SMG6: variants seen among roughly 807,000 people sequenced by gnomAD.
The protein encoded by SMG6 is telomerase-binding protein EST1A.
In SMG6, 66 loss-of-function variants were observed where a neutral mutation model predicts 142.2. The observed-to-expected ratio is 0.46, with a 90% confidence interval of 0.38 to 0.57. The LOEUF is 0.57. Ranked by LOEUF, SMG6 falls within the 20% of genes least tolerant of loss-of-function variation. SMG6 has a pLI of 0.00. For missense variants in SMG6, 1,793 were observed against 1,832.0 expected (o/e 0.98, Z 0.39); for synonymous variants, 779 against 702.4 (o/e 1.11, Z -1.72).
At chr17:2,273,410 C>T (rs1355937881) in intron 8 of SMG6, among the ~76,000 whole-genome samples, 1 of 152,136 alleles carries the variant, frequency 6.6e-6, no homozygotes, top group African/African-American at 2.4e-5. Context: ...CCTGTAATCC[C>T]AGCACTTTGG....
chr17:2,204,702 G>A (rs994185396), intron 10 of SMG6, among the ~76,000 whole-genome samples: 1 of 152,168 alleles, frequency 6.6e-6, no homozygotes, highest in Non-Finnish European at 1.5e-5. Context: ...GGTGGCTCAC[G>A]CCTATAATTC....
intron 8 of SMG6, among the ~76,000 whole-genome samples, chr17:2,279,923 G>A (rs1475912303): frequency 6.6e-6 from 1 of 152,130 alleles, no homozygotes; most frequent in Non-Finnish European, 1.5e-5. Flanking sequence ...ACCATGACTG[G>A]ATTAGGTGTT....
At chr17:2,133,395 A>G (rs1475367703) in intron 13 of SMG6, among the ~76,000 whole-genome samples, 1 of 152,238 alleles carries the variant, frequency 6.6e-6, no homozygotes, top group Admixed American at 6.5e-5. Flanking sequence ...AGCCTTCATA[A>G]CAAGTCAGAG....
At chr17:2,170,575 T>C (rs2071472336) in intron 13 of SMG6, among the ~76,000 whole-genome samples, 1 of 152,260 alleles carries the variant, frequency 6.6e-6, no homozygotes, top group Non-Finnish European at 1.5e-5. Flanking sequence ...CCTCACATAC[T>C]ACAAATCCCC....
chr17:2,287,700 T>A (rs1279824555), intron 6 of SMG6, among the ~76,000 whole-genome samples: 1 of 152,188 alleles, frequency 6.6e-6, no homozygotes, highest in African/African-American at 2.4e-5. Flanking sequence ...ATATACACAA[T>A]GAAATGTAAT....
intron 13 of SMG6, among the ~76,000 whole-genome samples, chr17:2,120,642 G>A (rs914486896): frequency 3.3e-5 from 5 of 152,172 alleles, no homozygotes; most frequent in Non-Finnish European, 7.3e-5. Flanking sequence ...AGGATTGCCC[G>A]AACCCAGGAG....
chr17:2,217,125 G>A (rs2073041736), intron 10 of SMG6, among the ~76,000 whole-genome samples: 1 of 152,110 alleles, frequency 6.6e-6, no homozygotes, highest in African/African-American at 2.4e-5. Context: ...TTTGGAAATG[G>A]TTAAGTAATT....
At position 2,298,151 on chromosome 17, in the gene SMG6, G is replaced by A. The variant is rs141889355; in HGVS notation, c.1848-96C>T. The A allele has an allele frequency of 6.7e-3, 7,649 of 1,145,704 alleles. 37 individuals carry two copies. Among genetic ancestry groups the A allele is most frequent in the Non-Finnish European group, 8.0e-3 (6,608 of 828,726 alleles). 71.0% of individuals were successfully genotyped at this position (1,145,704 alleles called of 1,614,324 possible). On this transcript the variant is annotated intron_variant, in intron 2 of 18. Transcript: ENST00000263073. ...TCCTGCAAATTAACCACCTCCCCTGGCAGGAAATAAAAAATGTGACCAGGT... is the reference window on the plus strand; with the variant it reads ...TCCTGCAAATTAACCACCTCCCCTGACAGGAAATAAAAAATGTGACCAGGT...
At chr17:2,217,208 T>C (rs1387414771) in intron 10 of SMG6, among the ~76,000 whole-genome samples, 1 of 151,926 alleles carries the variant, frequency 6.6e-6, no homozygotes, top group Non-Finnish European at 1.5e-5. Context: ...CTTTTTATCA[T>C]TATAATTTTT....
intron 13 of SMG6, among the ~76,000 whole-genome samples, chr17:2,135,886 T>C (rs927628848): frequency 3.3e-5 from 5 of 151,658 alleles, no homozygotes; most frequent in African/African-American, 1.2e-4. Flanking sequence ...GGAATCTCAC[T>C]ATGTTGTCCA....
intron 8 of SMG6, among the ~76,000 whole-genome samples, chr17:2,252,852 AAAT>A (rs1376971080): frequency 6.6e-6 from 1 of 152,210 alleles, no homozygotes; most frequent in Non-Finnish European, 1.5e-5. Flanking sequence ...GCCATGGGTC[AAAT>A]GTAGCCTGCC....
At chr17:2,255,123 G>C (rs771716612) in intron 8 of SMG6, among the ~76,000 whole-genome samples, 7 of 151,618 alleles carry the variant, frequency 4.6e-5, no homozygotes, top group Admixed American at 4.6e-4. Context: ...TGTGATCTTC[G>C]GCCGGGCGCG....
At chr17:2,123,276 G>T (rs1186581041) in intron 13 of SMG6, among the ~76,000 whole-genome samples, 2 of 152,176 alleles carry the variant, frequency 1.3e-5, no homozygotes, top group Non-Finnish European at 2.9e-5. Flanking sequence ...GGGAGGGGAG[G>T]AGTAGACCCA....
chr17:2,124,703 C>G (rs776468516), intron 13 of SMG6, among the ~76,000 whole-genome samples: 17 of 152,076 alleles, frequency 1.1e-4, no homozygotes, highest in African/African-American at 4.1e-4. Flanking sequence ...AGCAGGGAGA[C>G]GGAACAGTAC....
chr17:2,183,714 T>C (rs1038794412), intron 12 of SMG6, among the ~76,000 whole-genome samples: 2 of 150,746 alleles, frequency 1.3e-5, no homozygotes, highest in African/African-American at 4.9e-5. Context: ...TTGTGGGCCA[T>C]GGTATGCTGA....
chr17:2,081,897 G>A lies in SMG6; in HGVS notation c.3594C>T (p.Gly1198=), dbSNP rs143629359. ...CCCGAAGCTCCCTGATGTCATCCTC[G>A]CCTCCGCTGCCTTCAGCCTCTGAAT... ...EEDSEAEGSG[G]EDDIRELRAK... The change falls in exon 15 of 19, where the codon GGC becomes GGT. Residue 1198 remains glycine (G), a synonymous_variant. Coordinates refer to ENST00000263073, the MANE Select transcript of SMG6 (RefSeq NM_017575.5). 3.0e-4 allele frequency: 487 copies of A among 1,614,046 alleles called. 1 individual carries two copies. The highest frequency in any genetic ancestry group is 9.9e-4 in the Middle Eastern group (6 of 6,062).
At chr17:2,225,578 A>G (rs1163093870) in intron 10 of SMG6, among the ~76,000 whole-genome samples, 2 of 152,222 alleles carry the variant, frequency 1.3e-5, no homozygotes, top group Non-Finnish European at 2.9e-5. Flanking sequence ...CAAACCAAAA[A>G]TAACGATAAC....
At chr17:2,070,977 C>T (rs1288366999) in intron 15 of SMG6, among the ~76,000 whole-genome samples, 1 of 152,230 alleles carries the variant, frequency 6.6e-6, no homozygotes, top group Non-Finnish European at 1.5e-5. Context: ...ACTCTCGTTC[C>T]TCATTTCTCA....
chr17:2,283,775 C>T (rs749268975), intron 6 of SMG6, 40 bp from the exon 7 acceptor site: 10 of 1,521,294 alleles, frequency 6.6e-6, no homozygotes, highest in South Asian at 1.1e-5. Flanking sequence ...AACCAATTCT[C>T]GTCCTAACTC....
Sources: allele counts gnomAD v4.1 joint callset (sites outside exome capture counted in the v4.1 genomes callset), GRCh38; gene constraint gnomAD v4.1.1; transcripts MANE v1.5; gene names NCBI Gene and HGNC (gene_info 2026-07-23, HGNC 2026-07-21).